Variants in ZNF525 observed in about 807,000 individuals in gnomAD.
ZNF525 encodes the protein zinc finger protein 525.
In ZNF525, 33 loss-of-function variants were observed where a neutral mutation model predicts 37.6. The observed-to-expected ratio is 0.88, with a 90% CI of 0.67 to 1.17. The LOEUF is 1.17. ZNF525 is among the 50% of genes most tolerant of loss of function. ZNF525 has a pLI of 0.00. For missense variants in ZNF525, 449 were observed against 543.1 expected (o/e 0.83, Z 1.72); for synonymous variants, 170 against 182.3 (o/e 0.93, Z 0.54).
At chr19:53,372,985 G>C (rs943118152) in intron 2 of ZNF525, among the ~76,000 whole-genome samples, 1 of 152,112 alleles carries the variant, frequency 6.6e-6, no homozygotes, top group African/African-American at 2.4e-5. Flanking sequence ...AGTAAAAATG[G>C]TTATAACTTT....
chr19:53,383,377 T>G lies in ZNF525; in HGVS notation c.*1358T>G. On this transcript the variant is annotated 3_prime_UTR_variant, in exon 4 of 4. Coordinates refer to ENST00000474037, the MANE Select transcript of ZNF525 (RefSeq NM_001348156.2). ...GCACACGTTGCACGTCATCATAGAA[T>G]TCATACTGGAGAGAAACCTTAGAAA... The G allele has an allele frequency of 8.6e-7, 1 of 1,161,964 alleles. No individual in the cohort carries two copies. Among genetic ancestry groups the G allele is most frequent in the Non-Finnish European group, 1.2e-6 (1 of 808,868 alleles). 72.0% of individuals were successfully genotyped at this position (1,161,964 alleles called of 1,614,324 possible). A position where few individuals can be genotyped will look rare whatever the true frequency, so the allele number is the denominator to read the frequency against.
At position 53,383,486 on chromosome 19, in the gene ZNF525, G is replaced by C. The variant is rs772169610; in HGVS notation, c.*1467G>C. The C allele has an allele frequency of 9.1e-7, 1 of 1,093,680 alleles. No individual in the cohort carries two copies. The highest frequency in any genetic ancestry group is 1.3e-6 in the Non-Finnish European group (1 of 752,544). The allele number at this position is 1,093,680 out of a possible 1,614,324, so 67.7% of individuals were successfully genotyped here. ...CATACTGGAGAGAAACCATAAAAAT[G>C]TAAGAGTTTTTGACAAGGCTTTCGG... On this transcript the variant is annotated 3_prime_UTR_variant, in exon 4 of 4. Transcript: ENST00000474037.
chr19:53,379,065 C>G (rs926697491), intron 3 of ZNF525, among the ~76,000 whole-genome samples: 2 of 151,906 alleles, frequency 1.3e-5, no homozygotes, highest in African/African-American at 2.4e-5. Context: ...CTGGCTGTTT[C>G]ATAAATGTAG....
Position 53,382,839 on chromosome 19 carries a change from C to A in ZNF525, c.*820C>A. On this transcript the variant is annotated 3_prime_UTR_variant, in exon 4 of 4. Coordinates refer to ENST00000474037, the MANE Select transcript of ZNF525 (RefSeq NM_001348156.2). ...TACAAATGTGAAGAATGTGATAAAG[C>A]TTTCAGATTCAAATCAAACCTTGAA... The A allele has an allele frequency of 7.8e-7, 1 of 1,282,878 alleles. No homozygotes were observed. The allele number at this position is 1,282,878 out of a possible 1,614,324, so 79.5% of individuals were successfully genotyped here.
Position 53,382,633 on chromosome 19 carries a change from C to A in ZNF525, c.*614C>A. ...TTATTTACCATCAAGCAATCCATGG[C>A]AGAGGGAAACTTTACAAATGTAATG... On this transcript the variant is annotated 3_prime_UTR_variant, in exon 4 of 4. Transcript: ENST00000474037. 2.9e-6 allele frequency: 2 copies of A among 694,724 alleles called. No homozygotes were observed. Among genetic ancestry groups the A allele is most frequent in the Non-Finnish European group, 2.7e-6 (1 of 373,930 alleles). The allele number at this position is 694,724 out of a possible 1,614,324, so 43.0% of individuals were successfully genotyped here.
chr19:53,373,479 C>G (rs1329387257), intron 2 of ZNF525, among the ~76,000 whole-genome samples: 1 of 152,100 alleles, frequency 6.6e-6, no homozygotes, highest in Non-Finnish European at 1.5e-5. Context: ...CCAAGCAAAG[C>G]TGCAGCTTAT....
At position 53,375,817 on chromosome 19, in the gene ZNF525, G is replaced by C; in HGVS notation, c.63G>C (p.Glu21Asp). 6.2e-7 allele frequency: 1 copy of C among 1,613,936 alleles called. No individual in the cohort carries two copies. ...TGGCCATAGAATTCTCTCAGGAGGA[G>C]TGGAAATGCCTGGACCCTGCTCAGA... ...RDVAIEFSQE[E>D]WKCLDPAQRT... Residue 21 changes from glutamate to aspartate, a missense_variant, in exon 3 of 4, where the codon GAG becomes GAC. Transcript: ENST00000474037.
intron 1 of ZNF525, 31 bp downstream of exon 1, chr19:53,365,790 G>A: frequency 6.2e-6 from 1 of 161,320 alleles, no homozygotes; most frequent in Non-Finnish European, 1.4e-5. Context: ...TATGAAGTCT[G>A]CTCTTCCCAG....
Position 53,382,093 on chromosome 19 carries a change from G to A in ZNF525, c.*74G>A. The stretch of plus-strand genomic sequence containing the variant: ...TGTAATGATTGTGGCAAGATCTTCA[G>A]TCATACGTCATCCATTGTATACCAT... On this transcript the variant is annotated 3_prime_UTR_variant, in exon 4 of 4. Coordinates refer to ENST00000474037, the MANE Select transcript of ZNF525 (RefSeq NM_001348156.2). 6.6e-7 allele frequency: 1 copy of A among 1,516,578 alleles called. No homozygotes were observed. The highest frequency in any genetic ancestry group is 1.1e-5 in the South Asian group (1 of 87,086). The allele number at this position is 1,516,578 out of a possible 1,614,324, so 93.9% of individuals were successfully genotyped here.
intron 3 of ZNF525, among the ~76,000 whole-genome samples, chr19:53,378,104 C>T (rs2085534543): frequency 6.6e-6 from 1 of 152,086 alleles, no homozygotes; most frequent in Non-Finnish European, 1.5e-5. Flanking sequence ...GGGCAGATAG[C>T]TTGAAGTCAG....
At chr19:53,369,715 CTTTTTTT>C (rs57431960) in intron 1 of ZNF525, among the ~76,000 whole-genome samples, 115 of 81,202 alleles carry the variant, frequency 1.4e-3, no homozygotes, top group African/African-American at 5.7e-3. Context: ...AAAGAAGTTT[CTTTTTTT>C]TTTTTTTTTT....
chr19:53,379,981 T>A (rs937012512), intron 3 of ZNF525, among the ~76,000 whole-genome samples: 2 of 152,014 alleles, frequency 1.3e-5, no homozygotes, highest in Non-Finnish European at 2.9e-5. Flanking sequence ...CAGCCTGTTG[T>A]GACACAGTGA....
chr19:53,369,085 C>T (rs1478765610), intron 1 of ZNF525, among the ~76,000 whole-genome samples: 2 of 151,988 alleles, frequency 1.3e-5, no homozygotes, highest in African/African-American at 2.4e-5. Flanking sequence ...GAGAAATAGG[C>T]CCTCGGTAAA....
chr19:53,381,780 C>T lies in ZNF525; in HGVS notation c.1201C>T (p.His401Tyr). 9.5e-7 allele frequency: 1 copy of T among 1,056,448 alleles called. No individual in the cohort carries two copies. The highest frequency in any genetic ancestry group is 2.4e-5 in the East Asian group (1 of 42,486). The allele number at this position is 1,056,448 out of a possible 1,614,324, so 65.4% of individuals were successfully genotyped here. ...CAGTCATATGTCAACCCTTACATGCCATCGTAGACTTCATACTGGAGAGAA... is the reference window on the plus strand; with the variant it reads ...CAGTCATATGTCAACCCTTACATGCTATCGTAGACTTCATACTGGAGAGAA... ...TFSHMSTLTC[H>Y]RRLHTGEKPY... The change falls in exon 4 of 4, where the codon CAT becomes TAT. Residue 401 changes from histidine to tyrosine, a missense_variant. Transcript: ENST00000474037.
rs781608087 is a variant in ZNF525 at position 53,381,775 on chromosome 19, C to G, written c.1196C>G (p.Thr399Arg). ...ACCTTCAGTCATATGTCAACCCTTA[C>G]ATGCCATCGTAGACTTCATACTGGA... ...GKTFSHMSTL[T>R]CHRRLHTGEK... The change falls in exon 4 of 4, where the codon ACA becomes AGA. Residue 399 changes from threonine (T) to arginine (R), a missense_variant. Thr to Arg is a moderately conservative substitution (Grantham distance 71, BLOSUM62 -1). Transcript: ENST00000474037. The G allele has an allele frequency of 1.9e-6, 2 of 1,052,360 alleles. No homozygotes were observed. The highest frequency in any genetic ancestry group is 2.5e-5 in the South Asian group (2 of 79,640). 65.2% of individuals were successfully genotyped at this position (1,052,360 alleles called of 1,614,324 possible). A position where few individuals can be genotyped will look rare whatever the true frequency, so the allele number is the denominator to read the frequency against.
intron 2 of ZNF525, among the ~76,000 whole-genome samples, chr19:53,372,991 A>C (rs745863583): frequency 6.6e-6 from 1 of 152,024 alleles, no homozygotes; most frequent in Non-Finnish European, 1.5e-5. Flanking sequence ...AATGGTTATA[A>C]CTTTTCTCAC....
At chr19:53,369,000 C>A (rs945900365) in intron 1 of ZNF525, among the ~76,000 whole-genome samples, 2 of 152,108 alleles carry the variant, frequency 1.3e-5, no homozygotes, top group African/African-American at 2.4e-5. Context: ...GTAGTCATTT[C>A]TATAGTATCT....
At chr19:53,377,860 G>A (rs761293414) in intron 3 of ZNF525, among the ~76,000 whole-genome samples, 15 of 152,046 alleles carry the variant, frequency 9.9e-5, no homozygotes, top group South Asian at 2.1e-4. Flanking sequence ...TCACTCAGCC[G>A]GCCTCAAAGT....
chr19:53,370,105 T>G (rs2085476492), intron 1 of ZNF525, among the ~76,000 whole-genome samples: 1 of 151,198 alleles, frequency 6.6e-6, no homozygotes, highest in Admixed American at 6.6e-5. Context: ...ACACTTCCAT[T>G]AGCTCTTCCA....
Sources: allele counts gnomAD v4.1 joint callset (sites outside exome capture counted in the v4.1 genomes callset), GRCh38; gene constraint gnomAD v4.1.1; transcripts MANE v1.5; gene names NCBI Gene and HGNC (gene_info 2026-07-23, HGNC 2026-07-21).